ASIC2: variants seen among roughly 807,000 people sequenced by gnomAD.
ASIC2 encodes the protein acid-sensing ion channel 2.
A neutral mutation model predicts 57.3 loss-of-function variants in ASIC2; 25 were observed. The ratio of observed to expected loss-of-function variants is 0.44; its 90% CI spans 0.32 to 0.61. ASIC2 has a LOEUF of 0.61. Ranked by LOEUF, ASIC2 falls within the 20% of genes least tolerant of loss-of-function variation. The pLI is 0.06. For synonymous variants in ASIC2, 319 were observed against 307.5 expected, an observed-to-expected ratio of 1.04 and a Z score of -0.39; for missense variants, 641 against 738.1, an observed-to-expected ratio of 0.87 and a Z score of 1.52.
At chr17:33,689,697 A>G (rs561086397) in intron 1 of ASIC2, among the ~76,000 whole-genome samples, 2 of 152,336 alleles carry the variant, frequency 1.3e-5, no homozygotes, top group East Asian at 3.9e-4. Flanking sequence ...GTCTCCACAG[A>G]TATACTTAAG....
At position 33,579,230 on chromosome 17, in the gene ASIC2, G is replaced by C. The variant is rs567334822; in HGVS notation, c.556-467163C>G. Among the ~76,000 whole-genome samples, 218 of 146,686 alleles carry C rather than the reference G, an allele frequency of 1.5e-3. 1 individual carries two copies. Among genetic ancestry groups the C allele is most frequent in the African/African-American group, 5.1e-3 (199 of 38,662 alleles). On this transcript the variant is annotated intron_variant, in intron 1 of 9. Coordinates refer to the ASIC2 transcript ENST00000359872. ...GAACCCGGGAGGCAGAGGTTGCAGT[G>C]AGCCAAAATCACACCATTGCACTCC... is the stretch of plus-strand genomic sequence containing the variant.
intron 1 of ASIC2, among the ~76,000 whole-genome samples, chr17:33,226,901 AT>A (rs1463129692): frequency 6.6e-6 from 1 of 152,196 alleles, no homozygotes; most frequent in Admixed American, 6.5e-5. Context: ...TTAATATTAT[AT>A]TTTTCACTCA....
At chr17:33,307,491 G>A (rs1406749351) in intron 1 of ASIC2, among the ~76,000 whole-genome samples, 1 of 152,116 alleles carries the variant, frequency 6.6e-6, no homozygotes, top group African/African-American at 2.4e-5. Flanking sequence ...TGTATTTTTA[G>A]TAGAGACAGG....
At chr17:33,840,723 A>C (rs1913410487) in intron 1 of ASIC2, among the ~76,000 whole-genome samples, 1 of 152,020 alleles carries the variant, frequency 6.6e-6, no homozygotes, top group Non-Finnish European at 1.5e-5. Flanking sequence ...TGTAAGAAAT[A>C]GGTGATTGCT....
chr17:33,188,295 A>G (rs923002473), intron 1 of ASIC2, among the ~76,000 whole-genome samples: 1 of 152,170 alleles, frequency 6.6e-6, no homozygotes, highest in African/African-American at 2.4e-5. Context: ...AAAAGACAAA[A>G]TAAAAATAAT....
chr17:33,074,810 A>T (rs1353156220), intron 3 of ASIC2, among the ~76,000 whole-genome samples: 1 of 152,224 alleles, frequency 6.6e-6, no homozygotes, highest in Non-Finnish European at 1.5e-5. Context: ...CACCTGAGAT[A>T]CTGGGTATGC....
intron 3 of ASIC2, among the ~76,000 whole-genome samples, chr17:33,032,685 A>G (rs1487493688): frequency 2.6e-5 from 4 of 152,066 alleles, no homozygotes; most frequent in African/African-American, 9.7e-5. Flanking sequence ...CTGACCTCAA[A>G]TGACCTACCT....
intron 9 of ASIC2, 83 bp from the exon 10 acceptor site, chr17:33,014,149 T>C: frequency 9.2e-7 from 1 of 1,092,528 alleles, no homozygotes. Context: ...GCCTAGGCCC[T>C]GGGGAAGGTG....
chr17:33,337,592 C>G (rs909335089), intron 1 of ASIC2, among the ~76,000 whole-genome samples: 4 of 152,182 alleles, frequency 2.6e-5, no homozygotes, highest in African/African-American at 9.7e-5. Context: ...ATTCGTTTGG[C>G]AAACATTCAT....
At chr17:33,850,374 A>C (rs1567734063) in intron 1 of ASIC2, among the ~76,000 whole-genome samples, 1 of 152,230 alleles carries the variant, frequency 6.6e-6, no homozygotes, top group Non-Finnish European at 1.5e-5. Context: ...CCTATTTGCT[A>C]TCATTTCCCC....
intron 1 of ASIC2, among the ~76,000 whole-genome samples, chr17:33,516,675 T>C (rs1393778057): frequency 6.6e-6 from 1 of 152,194 alleles, no homozygotes. Context: ...GGAACTGATG[T>C]GAGCTCGCTG....
Position 33,102,974 on chromosome 17 carries a change from A to C in ASIC2, c.859+8943T>G, listed in dbSNP as rs12453934. ...AATTTTTTGTATTTTCAGTAGAGAC[A>C]GGGTTTCACCATGTTCGCCAGGATG... On this transcript the variant is annotated intron_variant, in intron 2 of 9. Coordinates refer to ENST00000225823, the MANE Select transcript of ASIC2 (RefSeq NM_183377.2). Among the ~76,000 whole-genome samples, 29 of 152,078 alleles carry C rather than the reference A, an allele frequency of 1.9e-4. No individual in the cohort carries two copies. The East Asian group carries it at 3.9e-3, about 20-fold the overall frequency.
At chr17:33,311,797 AT>A (rs2142205479) in intron 1 of ASIC2, among the ~76,000 whole-genome samples, 1 of 152,104 alleles carries the variant, frequency 6.6e-6, no homozygotes, top group African/African-American at 2.4e-5. Context: ...CCTGCTTCTT[AT>A]TTCACATATT....
chr17:33,261,890 G>A (rs971069532), intron 1 of ASIC2, among the ~76,000 whole-genome samples: 7 of 152,324 alleles, frequency 4.6e-5, no homozygotes, highest in African/African-American at 1.7e-4. Flanking sequence ...CAGCTGGCCT[G>A]CCTGGTCCCT....
intron 1 of ASIC2, among the ~76,000 whole-genome samples, chr17:33,126,564 C>T (rs2092323815): frequency 6.6e-6 from 1 of 152,104 alleles, no homozygotes; most frequent in South Asian, 2.1e-4. Context: ...GTGGGGAGAT[C>T]ACTTAGGGTC....
intron 1 of ASIC2, among the ~76,000 whole-genome samples, chr17:33,605,505 T>C (rs1015060324): frequency 3.3e-5 from 5 of 152,188 alleles, no homozygotes; most frequent in African/African-American, 1.2e-4. Context: ...ACAAGCTCAA[T>C]TAGAGGCACT....
At chr17:33,552,754 AGT>A (rs1188575881) in intron 1 of ASIC2, among the ~76,000 whole-genome samples, 1 of 152,248 alleles carries the variant, frequency 6.6e-6, no homozygotes, top group Non-Finnish European at 1.5e-5. Flanking sequence ...ATTTTAGGGC[AGT>A]GATTTGTCAA....
At chr17:33,215,776 T>C (rs1597634086) in intron 1 of ASIC2, among the ~76,000 whole-genome samples, 1 of 150,644 alleles carries the variant, frequency 6.6e-6, no homozygotes, top group Non-Finnish European at 1.5e-5. Flanking sequence ...CTCGGCTCAC[T>C]GCAGGCTCCG....
At chr17:33,634,061 C>G (rs1051639326) in intron 1 of ASIC2, among the ~76,000 whole-genome samples, 1 of 152,224 alleles carries the variant, frequency 6.6e-6, no homozygotes, top group Non-Finnish European at 1.5e-5. Context: ...ACAGCTTGAA[C>G]TCCCAAACAC....
Sources: allele counts gnomAD v4.1 joint callset (sites outside exome capture counted in the v4.1 genomes callset), GRCh38; gene constraint gnomAD v4.1.1; transcripts MANE v1.5; gene names NCBI Gene and HGNC (gene_info 2026-07-23, HGNC 2026-07-21).